RBFOX3: variants seen among roughly 807,000 people sequenced by gnomAD.
The protein encoded by RBFOX3 is RNA binding protein fox-1 homolog 3.
In RBFOX3, 17 loss-of-function variants were observed where a neutral mutation model predicts 48.7. The ratio of observed to expected loss-of-function variants is 0.35; its 90% CI spans 0.24 to 0.52. The LOEUF (loss-of-function observed/expected upper bound fraction) is 0.52, where lower values mean the gene tolerates loss of function less well. RBFOX3 is among the 20% of genes least tolerant of loss of function. The pLI is 0.94. For missense variants in RBFOX3, 382 were observed against 497.5 expected (o/e 0.77, Z 2.21); for synonymous variants, 212 against 209.5 (o/e 1.01, Z -0.10).
Position 79,602,988 on chromosome 17 carries a change from CTTTTT to C in RBFOX3, c.-320+7833_-320+7837del, listed in dbSNP as rs35479641. Among the ~76,000 whole-genome samples the C allele has an allele frequency of 3.3e-4, 33 of 99,164 alleles. 1 individual carries two copies. The highest frequency in any genetic ancestry group is 1.1e-3 in the African/African-American group (29 of 27,594). The allele number at this position is 99,164 out of a possible 152,430, so 65.1% of individuals were successfully genotyped here. On this transcript the variant is annotated intron_variant, in intron 1 of 14. Transcript: ENST00000693108. ...AGTGCCCCTCTCTCCTTGAGCTACC[CTTTTT>C]TTTTTTTTTTTTTTTTAGGGGGAGT...
chr17:79,205,173 A>G lies in RBFOX3; in HGVS notation c.-34+30593T>C, dbSNP rs2057325178. On this transcript the variant is annotated intron_variant, in intron 4 of 14. Transcript: ENST00000693108. The surrounding 1 kb of genome is among the most constrained non-coding windows in gnomAD (Gnocchi z 4.5). Reference sequence around the variant, plus strand: ...TCCTTCCCCAGATGGACCTGTGGATACTTGCCAGAGAACCTGTGTCCTGGG... The same window carrying G: ...TCCTTCCCCAGATGGACCTGTGGATGCTTGCCAGAGAACCTGTGTCCTGGG... 6.6e-6 allele frequency among the ~76,000 whole-genome samples: 1 copy of G among 152,196 alleles called. No homozygotes were observed. The highest frequency in any genetic ancestry group is 2.1e-4 in the South Asian group (1 of 4,826).
chr17:79,407,004 TTG>T (rs1460743480), intron 2 of RBFOX3, among the ~76,000 whole-genome samples: 4 of 152,194 alleles, frequency 2.6e-5, no homozygotes, highest in African/African-American at 7.2e-5. Context: ...CCGTGCATGC[TTG>T]TGTGTTTTTG....
At chr17:79,231,422 T>C (rs1353589580) in intron 4 of RBFOX3, among the ~76,000 whole-genome samples, 1 of 152,144 alleles carries the variant, frequency 6.6e-6, no homozygotes, top group East Asian at 1.9e-4. Flanking sequence ...GGGTAGAGCA[T>C]GCAGAGCCCT....
At chr17:79,415,950 T>C (rs1196790877) in intron 2 of RBFOX3, among the ~76,000 whole-genome samples, 1 of 152,122 alleles carries the variant, frequency 6.6e-6, no homozygotes, top group South Asian at 2.1e-4. Flanking sequence ...CCCCAGACTC[T>C]GAGAGTCTCT....
intron 3 of RBFOX3, among the ~76,000 whole-genome samples, chr17:79,293,917 C>T (rs2073882460): frequency 6.6e-6 from 1 of 152,148 alleles, no homozygotes; most frequent in Non-Finnish European, 1.5e-5. Flanking sequence ...GCCCCAGCTG[C>T]TATTACAGGA....
chr17:79,552,043 C>T (rs1209876334), intron 1 of RBFOX3, among the ~76,000 whole-genome samples: 1 of 152,132 alleles, frequency 6.6e-6, no homozygotes, highest in Admixed American at 6.5e-5. Context: ...TTCTAATAAG[C>T]CCTTACATGA....
intron 4 of RBFOX3, among the ~76,000 whole-genome samples, chr17:79,118,549 A>C (rs1186439877): frequency 6.6e-6 from 1 of 152,074 alleles, no homozygotes; most frequent in Non-Finnish European, 1.5e-5. Context: ...GAAAGTGTGG[A>C]AGGCACAGCG....
chr17:79,272,598 G>A (rs968582408), intron 3 of RBFOX3, among the ~76,000 whole-genome samples: 2 of 152,190 alleles, frequency 1.3e-5, no homozygotes, highest in Non-Finnish European at 2.9e-5. Flanking sequence ...TGAGGAGGGG[G>A]TAGGGGGTCT....
At chr17:79,142,015 G>A (rs2042020131) in intron 4 of RBFOX3, among the ~76,000 whole-genome samples, 3 of 152,312 alleles carry the variant, frequency 2.0e-5, no homozygotes, top group South Asian at 4.1e-4. Flanking sequence ...ATCCTTGCCC[G>A]CTGCCTCTGA....
chr17:79,651,093 C>T, the RBFOX3 span, among the ~76,000 whole-genome samples: 1 of 152,342 alleles, frequency 6.6e-6, no homozygotes, highest in Admixed American at 6.5e-5. Flanking sequence ...TCCAAACACA[C>T]GCACTGCAGG....
At chr17:79,383,031 A>AACACACACAT (rs2060119518) in intron 2 of RBFOX3, among the ~76,000 whole-genome samples, 1 of 141,302 alleles carries the variant, frequency 7.1e-6, no homozygotes, top group African/African-American at 2.8e-5. Context: ...CTGCCTCTCA[A>AACACACACAT]ACACACACAC....
chr17:79,515,298 T>A (rs2085091025), intron 1 of RBFOX3, among the ~76,000 whole-genome samples: 1 of 152,112 alleles, frequency 6.6e-6, no homozygotes, highest in Non-Finnish European at 1.5e-5. Flanking sequence ...CCTGGGGGTG[T>A]GCAGTGCCCA....
At chr17:79,383,128 A>T (rs972833015) in intron 2 of RBFOX3, among the ~76,000 whole-genome samples, 2 of 151,746 alleles carry the variant, frequency 1.3e-5, no homozygotes, top group Non-Finnish European at 2.9e-5. Context: ...CCAGTATCTG[A>T]TTATTGTCCT....
intron 4 of RBFOX3, among the ~76,000 whole-genome samples, chr17:79,216,537 G>A (rs958359074): frequency 2.6e-5 from 4 of 152,254 alleles, no homozygotes; most frequent in Middle Eastern, 3.4e-3. Context: ...TGAGGAGCAC[G>A]TTGGGCTGAG....
At chr17:79,378,975 G>A (rs62063990) in intron 2 of RBFOX3, among the ~76,000 whole-genome samples, 18,720 of 152,166 alleles carry the variant, frequency 0.12, 1,578 homozygotes, top group Non-Finnish European at 0.19. Context: ...TTCGGAAAGC[G>A]GGTAGGAGCC....
At chr17:79,268,082 C>T (rs778294075) in intron 3 of RBFOX3, among the ~76,000 whole-genome samples, 5 of 152,186 alleles carry the variant, frequency 3.3e-5, no homozygotes, top group Non-Finnish European at 5.9e-5. Context: ...CCGCATCATC[C>T]GTTGTCTCTC....
chr17:79,222,589 G>C (rs1376234476), intron 4 of RBFOX3, among the ~76,000 whole-genome samples: 2 of 152,228 alleles, frequency 1.3e-5, no homozygotes, highest in East Asian at 3.8e-4. Flanking sequence ...TCTCGCACGT[G>C]TCCAGAAAGT....
chr17:79,316,271 G>A (rs1006874784), intron 2 of RBFOX3, among the ~76,000 whole-genome samples: 1 of 152,166 alleles, frequency 6.6e-6, no homozygotes, highest in Admixed American at 6.5e-5. Context: ...ATCCTGTTTC[G>A]GGAAGATCGA....
At chr17:79,256,689 A>G (rs28680521) in intron 3 of RBFOX3, among the ~76,000 whole-genome samples, 55,397 of 151,962 alleles carry the variant, frequency 0.36, 10,134 homozygotes, top group African/African-American at 0.4. Flanking sequence ...AGGCCGAGGC[A>G]GGTGGATCAC....
Sources: gnomAD v4.1 joint callset for allele counts (sites outside exome capture counted in the v4.1 genomes callset) on GRCh38, gnomAD v4.1.1 for gene constraint, Gnocchi (gnomAD v3.1) non-coding constraint, MANE v1.5 for transcripts, NCBI Gene and HGNC (gene_info 2026-07-23, HGNC 2026-07-21) for gene names.